RABGAP1L: variants seen among roughly 807,000 people sequenced by gnomAD.
RABGAP1L encodes the protein rab GTPase-activating protein 1-like.
RABGAP1L carries 63 observed loss-of-function variants against 137.7 expected under a neutral mutation model. The ratio of observed to expected loss-of-function variants is 0.46; its 90% CI spans 0.37 to 0.56. The LOEUF is 0.56. RABGAP1L is among the 20% of genes least tolerant of loss of function. The pLI is 0.00. For missense variants in RABGAP1L, 1,095 were observed against 1,244.0 expected, an observed-to-expected ratio of 0.88 and a Z score of 1.80; for synonymous variants, 431 against 433.7, an observed-to-expected ratio of 0.99 and a Z score of 0.08.
intron 19 of RABGAP1L, among the ~76,000 whole-genome samples, chr1:174,869,395 A>G (rs1273381837): frequency 6.6e-6 from 1 of 152,108 alleles, no homozygotes; most frequent in Non-Finnish European, 1.5e-5. Context: ...TGATGGTTTT[A>G]TAAGCATCTG....
At chr1:174,979,033 T>C in intron 23 of RABGAP1L, 143 bp downstream of exon 23, 3 of 1,235,252 alleles carry the variant, frequency 2.4e-6, no homozygotes, top group Admixed American at 7.9e-5. Context: ...AAAAATTTTT[T>C]AGTTAGCCAG....
chr1:174,371,193 T>A (rs1685088006), intron 12 of RABGAP1L, 121 bp downstream of exon 12: 1 of 426,654 alleles, frequency 2.3e-6, no homozygotes, highest in Admixed American at 4.0e-5. Context: ...TATCTTAATA[T>A]CTTAATATTG....
intron 13 of RABGAP1L, among the ~76,000 whole-genome samples, chr1:174,442,774 A>T (rs1456659828): frequency 6.6e-6 from 1 of 152,118 alleles, no homozygotes; most frequent in East Asian, 1.9e-4. Context: ...ATATACAATA[A>T]ATTGTTAACT....
intron 18 of RABGAP1L, among the ~76,000 whole-genome samples, chr1:174,784,784 TACTA>T (rs1687330334): frequency 6.6e-6 from 1 of 152,338 alleles, no homozygotes; most frequent in Non-Finnish European, 1.5e-5. Flanking sequence ...GTTTACCTGG[TACTA>T]GGCTTTTACA....
chr1:174,435,743 G>A (rs1370692113), intron 13 of RABGAP1L, among the ~76,000 whole-genome samples: 3 of 151,628 alleles, frequency 2.0e-5, no homozygotes, highest in Non-Finnish European at 4.4e-5. Context: ...CCATGTTGGT[G>A]TGCTGCACCC....
At chr1:174,658,867 C>T (rs904922901) in intron 14 of RABGAP1L, among the ~76,000 whole-genome samples, 16 of 152,132 alleles carry the variant, frequency 1.1e-4, no homozygotes, top group African/African-American at 2.9e-4. Context: ...ATATGTTAGA[C>T]CTAAATCAGT....
At chr1:174,926,934 G>A (rs560862486) in intron 19 of RABGAP1L, among the ~76,000 whole-genome samples, 2 of 152,066 alleles carry the variant, frequency 1.3e-5, no homozygotes, top group East Asian at 1.9e-4. Context: ...TTAGCCAGGC[G>A]TGGTGGCACA....
intron 1 of RABGAP1L, among the ~76,000 whole-genome samples, chr1:174,200,984 C>T (rs1012276732): frequency 2.8e-4 from 43 of 152,306 alleles, no homozygotes; most frequent in Non-Finnish European, 5.6e-4. Context: ...CCTTCAGTAG[C>T]AACCACCAGG....
In RABGAP1L at chr1:174,994,774, G is replaced by C. The variant is rs1231485032; in HGVS notation, c.*4773G>C. ...ATGCATGGATCCTTAGTTCAAATGA[G>C]GGACAAAGTTTCTCAGTCAGCCCCA... On this transcript the variant is annotated 3_prime_UTR_variant, in exon 26 of 26. Transcript: ENST00000681986. 6.6e-6 allele frequency: 1 copy of C among 152,168 alleles called. No individual in the cohort carries two copies. The highest frequency in any genetic ancestry group is 1.5e-5 in the Non-Finnish European group (1 of 68,026). 9.4% of individuals were successfully genotyped at this position (152,168 alleles called of 1,614,324 possible). A position where few individuals can be genotyped will look rare whatever the true frequency, so the allele number is the denominator to read the frequency against.
chr1:174,981,516 A>G (rs918311106), intron 23 of RABGAP1L, among the ~76,000 whole-genome samples: 14 of 120,574 alleles, frequency 1.2e-4, no homozygotes, highest in African/African-American at 4.5e-4. Flanking sequence ...ATCCAAAATT[A>G]TACTTTAAAA....
intron 14 of RABGAP1L, among the ~76,000 whole-genome samples, chr1:174,648,462 C>T (rs1473435279): frequency 6.6e-6 from 1 of 152,128 alleles, no homozygotes; most frequent in African/African-American, 2.4e-5. Context: ...TTGTTATTTA[C>T]CCAGTAAACA....
intron 13 of RABGAP1L, among the ~76,000 whole-genome samples, chr1:174,536,702 C>G (rs546830001): frequency 1.3e-5 from 2 of 152,132 alleles, no homozygotes; most frequent in South Asian, 4.2e-4. Flanking sequence ...TTTTGTGTAT[C>G]ATGTTAAAAT....
At chr1:174,373,350 G>A (rs186947762) in intron 12 of RABGAP1L, among the ~76,000 whole-genome samples, 10 of 152,310 alleles carry the variant, frequency 6.6e-5, no homozygotes, top group Non-Finnish European at 5.9e-5. Context: ...AGAAGGTTGA[G>A]AGAGCAGAAA....
At chr1:174,702,979 G>A (rs1679771717) in intron 17 of RABGAP1L, among the ~76,000 whole-genome samples, 1 of 151,988 alleles carries the variant, frequency 6.6e-6, no homozygotes, top group Non-Finnish European at 1.5e-5. Flanking sequence ...TTCAATGGCA[G>A]TATAAATGTA....
At chr1:174,635,947 T>TC in intron 13 of RABGAP1L, among the ~76,000 whole-genome samples, 1 of 152,316 alleles carries the variant, frequency 6.6e-6, no homozygotes, top group Admixed American at 6.5e-5. Flanking sequence ...TTTTCTTTCT[T>TC]GATTTGAGAC....
chr1:174,479,525 T>C (rs955397631), intron 13 of RABGAP1L, among the ~76,000 whole-genome samples: 1 of 152,190 alleles, frequency 6.6e-6, no homozygotes, highest in African/African-American at 2.4e-5. Flanking sequence ...TTGGAATTGC[T>C]ATAGAAATTC....
chr1:174,542,357 C>G (rs1312561699), intron 13 of RABGAP1L, among the ~76,000 whole-genome samples: 1 of 152,164 alleles, frequency 6.6e-6, no homozygotes. Context: ...TCCATTTCTT[C>G]TAGATTTTCT....
rs563298508 is a variant in RABGAP1L at position 174,988,399 on chromosome 1, T to C, written c.2806-242T>C. ...ATTTCTAGAACAGATTTCAAAGAGA[T>C]GCTACAATACCTTCTATTTCTAGGG... On this transcript the variant is annotated intron_variant, in intron 24 of 25. Coordinates refer to ENST00000681986, the MANE Select transcript of RABGAP1L (RefSeq NM_001366446.1). Among the ~76,000 whole-genome samples the C allele has an allele frequency of 4.6e-5, 7 of 152,308 alleles. No individual in the cohort carries two copies. In the East Asian group the frequency reaches 1.3e-3, roughly 29 times the overall value.
chr1:174,907,853 C>T (rs532826314), intron 19 of RABGAP1L, among the ~76,000 whole-genome samples: 150 of 152,200 alleles, frequency 9.9e-4, no homozygotes, highest in South Asian at 1.9e-3. Flanking sequence ...TCTCAGTTCT[C>T]CAATTAAAAG....
Sources: gnomAD v4.1 joint callset for allele counts (sites outside exome capture counted in the v4.1 genomes callset) on GRCh38, gnomAD v4.1.1 for gene constraint, MANE v1.5 for transcripts, NCBI Gene and HGNC (gene_info 2026-07-23, HGNC 2026-07-21) for gene names.